Variants in FOXP1 observed in about 807,000 individuals in gnomAD.
The protein encoded by FOXP1 is forkhead box protein P1.
In FOXP1, 15 loss-of-function variants were observed where a neutral mutation model predicts 98.2. The observed-to-expected ratio is 0.15, with a 90% CI of 0.10 to 0.24. The LOEUF is 0.24. Among genes scored for constraint, FOXP1 ranks in the 10% least tolerant of loss-of-function variants. The pLI, the probability that FOXP1 is intolerant of heterozygous loss-of-function variation, is 1.00. For missense variants in FOXP1, 633 were observed against 848.5 expected (o/e 0.75, Z 3.15); for synonymous variants, 371 against 314.5 (o/e 1.18, Z -1.90).
chr3:71,115,345 ATTT>A (rs2107773150), intron 6 of FOXP1, among the ~76,000 whole-genome samples: 1 of 151,064 alleles, frequency 6.6e-6, no homozygotes, highest in African/African-American at 2.4e-5. Context: ...TTATTTATTT[ATTT>A]ATTTTGGAGA....
intron 14 of FOXP1, among the ~76,000 whole-genome samples, chr3:70,987,000 T>A (rs998347222): frequency 3.9e-5 from 6 of 152,240 alleles, no homozygotes; most frequent in African/African-American, 1.4e-4. Flanking sequence ...TCAAAACAGA[T>A]AAACCAATAC....
intron 11 of FOXP1, among the ~76,000 whole-genome samples, chr3:71,017,248 G>A (rs2107756312): frequency 6.6e-6 from 1 of 151,990 alleles, no homozygotes; most frequent in South Asian, 2.1e-4. Flanking sequence ...GAATAAAATA[G>A]AAATGCAAAA....
At chr3:71,513,632 G>A (rs1174223155) in intron 2 of FOXP1, among the ~76,000 whole-genome samples, 1 of 152,180 alleles carries the variant, frequency 6.6e-6, no homozygotes, top group Non-Finnish European at 1.5e-5. Flanking sequence ...TATACAAAAT[G>A]GGTCAGGGTG....
Position 71,441,039 on chromosome 3 carries a change from T to G in FOXP1, c.-168+52387A>C, listed in dbSNP as rs756747587. ...TGTCAGCTATGATAGTACTTCAGGT[T>G]TTTTAAAGGTAACTGCATTCCCTAT... On this transcript the variant is annotated intron_variant, in intron 3 of 20. Coordinates refer to ENST00000649528, the MANE Select transcript of FOXP1 (RefSeq NM_001349338.3). Among the ~76,000 whole-genome samples the G allele has an allele frequency of 2.0e-5, 3 of 152,216 alleles. No homozygotes were observed. The South Asian group carries it at 6.2e-4, about 31-fold the overall frequency.
intron 3 of FOXP1, among the ~76,000 whole-genome samples, chr3:71,389,279 C>T (rs1350498787): frequency 3.7e-5 from 5 of 133,360 alleles, no homozygotes; most frequent in African/African-American, 1.5e-4. Flanking sequence ...ATAAATTTCA[C>T]CTAAAGGAAA....
intron 5 of FOXP1, among the ~76,000 whole-genome samples, chr3:71,295,500 G>A (rs2073193000): frequency 6.6e-6 from 1 of 152,006 alleles, no homozygotes; most frequent in Admixed American, 6.6e-5. Flanking sequence ...GGAGTGGGGG[G>A]AAAATTGCAA....
intron 5 of FOXP1, among the ~76,000 whole-genome samples, chr3:71,297,400 G>A (rs1403631204): frequency 6.0e-5 from 9 of 149,554 alleles, no homozygotes; most frequent in African/African-American, 2.2e-4. Flanking sequence ...GGTGGGGACT[G>A]TATTTCCATT....
intron 11 of FOXP1, among the ~76,000 whole-genome samples, chr3:71,033,500 G>A (rs1160025416): frequency 6.7e-6 from 1 of 150,222 alleles, no homozygotes; most frequent in Non-Finnish European, 1.5e-5. Context: ...GTCTAAAGAT[G>A]CTGTGTTATG....
chr3:71,019,632 C>T (rs902879655), intron 11 of FOXP1, among the ~76,000 whole-genome samples: 1 of 151,960 alleles, frequency 6.6e-6, no homozygotes, highest in Non-Finnish European at 1.5e-5. Context: ...GAGTTTGAGA[C>T]CTGCCTGGCC....
intron 2 of FOXP1, among the ~76,000 whole-genome samples, chr3:71,527,740 AT>A (rs1410906557): frequency 2.6e-5 from 4 of 152,220 alleles, no homozygotes; most frequent in African/African-American, 9.6e-5. Flanking sequence ...GAGAAAAAAA[AT>A]ATATGTTTGT....
intron 2 of FOXP1, among the ~76,000 whole-genome samples, chr3:71,575,760 A>C (rs2047676367): frequency 6.6e-6 from 1 of 152,260 alleles, no homozygotes; most frequent in African/African-American, 2.4e-5. Context: ...GTATCATTGG[A>C]TCCCTAAGCT....
At chr3:71,550,962 A>G (rs1372289537) in intron 2 of FOXP1, among the ~76,000 whole-genome samples, 1 of 152,188 alleles carries the variant, frequency 6.6e-6, no homozygotes, top group African/African-American at 2.4e-5. Context: ...TCCAGACTTC[A>G]CGGAGTTGGG....
chr3:71,378,906 T>C (rs868664732), intron 3 of FOXP1, among the ~76,000 whole-genome samples: 94 of 152,188 alleles, frequency 6.2e-4, no homozygotes, highest in South Asian at 1.2e-3. Flanking sequence ...GTATCCCCCA[T>C]GAATAATGGG....
chr3:71,048,697 C>G (rs1310941308), intron 9 of FOXP1, among the ~76,000 whole-genome samples: 2 of 151,488 alleles, frequency 1.3e-5, no homozygotes, highest in African/African-American at 4.9e-5. Context: ...TTTTTCACTT[C>G]TTCAACAGAT....
chr3:71,009,347 T>G (rs1327686097), intron 12 of FOXP1, among the ~76,000 whole-genome samples: 1 of 152,028 alleles, frequency 6.6e-6, no homozygotes, highest in East Asian at 1.9e-4. Flanking sequence ...ACAGCCATAC[T>G]CGTTCCTTGT....
intron 5 of FOXP1, among the ~76,000 whole-genome samples, chr3:71,272,306 T>C (rs144108654): frequency 2.9e-4 from 44 of 152,298 alleles, no homozygotes; most frequent in Non-Finnish European, 5.0e-4. Flanking sequence ...ATATGCACAA[T>C]TTTCTCTCAG....
intron 5 of FOXP1, among the ~76,000 whole-genome samples, chr3:71,293,443 A>G (rs1437501326): frequency 6.6e-6 from 1 of 152,054 alleles, no homozygotes; most frequent in Non-Finnish European, 1.5e-5. Context: ...CAGCCACTGT[A>G]ATCCTGCCTG....
chr3:70,982,763 T>C (rs1250123032), intron 14 of FOXP1, among the ~76,000 whole-genome samples: 1 of 152,116 alleles, frequency 6.6e-6, no homozygotes, highest in African/African-American at 2.4e-5. Flanking sequence ...TTAAAGATGA[T>C]GAGTCACTCA....
intron 2 of FOXP1, chr3:71,581,266 G>A (rs187225150): frequency 1.0e-6 from 1 of 985,162 alleles, no homozygotes; most frequent in Non-Finnish European, 1.2e-6. Flanking sequence ...GAGAAGGGGG[G>A]CGAGGATGTC....
Sources: allele counts gnomAD v4.1 joint callset (sites outside exome capture counted in the v4.1 genomes callset), GRCh38; gene constraint gnomAD v4.1.1; transcripts MANE v1.5; gene names NCBI Gene and HGNC (gene_info 2026-07-23, HGNC 2026-07-21).